CENPP: variants seen among roughly 807,000 people sequenced by gnomAD.
The protein encoded by CENPP is centromere protein P.
In CENPP, 24 loss-of-function variants were observed where a neutral mutation model predicts 35.6. The observed-to-expected ratio is 0.67, with a 90% CI of 0.49 to 0.95. The LOEUF (loss-of-function observed/expected upper bound fraction) is 0.95. CENPP is among the 40% of genes least tolerant of loss of function. CENPP has a pLI of 0.00. For synonymous variants in CENPP, 120 were observed against 125.5 expected, an observed-to-expected ratio of 0.96 and a Z score of 0.29; for missense variants, 332 against 345.3, an observed-to-expected ratio of 0.96 and a Z score of 0.31.
At chr9:92,479,538 C>T (rs1845838165) in intron 5 of CENPP, among the ~76,000 whole-genome samples, 1 of 152,132 alleles carries the variant, frequency 6.6e-6, no homozygotes, top group Non-Finnish European at 1.5e-5. Context: ...CATTCTGGAA[C>T]AGGGAGCATA....
At chr9:92,414,779 A>G (rs2761672) in intron 5 of CENPP, 1 of 229,446 alleles carries the variant, frequency 4.4e-6, no homozygotes, top group Non-Finnish European at 8.6e-6. Flanking sequence ...CAAAAAGGTC[A>G]TGGCCTGTGG....
chr9:92,416,615 A>G (rs1564309564), intron 5 of CENPP: 4 of 1,486,202 alleles, frequency 2.7e-6, no homozygotes, highest in Non-Finnish European at 1.8e-6. Flanking sequence ...AAAAGTCTAC[A>G]TACTTTCTAT....
At chr9:92,582,467 G>GT (rs1236285068) in intron 5 of CENPP, among the ~76,000 whole-genome samples, 1 of 152,080 alleles carries the variant, frequency 6.6e-6, no homozygotes, top group African/African-American at 2.4e-5. Flanking sequence ...GAATGAAGAG[G>GT]TCAGTGATCC....
intron 5 of CENPP, among the ~76,000 whole-genome samples, chr9:92,566,900 A>G (rs2131347925): frequency 6.6e-6 from 1 of 152,360 alleles, no homozygotes; most frequent in Non-Finnish European, 1.5e-5. Flanking sequence ...AGAAGAATTC[A>G]AAGATACACC....
chr9:92,431,691 C>T (rs966475482), intron 5 of CENPP, among the ~76,000 whole-genome samples: 7 of 152,114 alleles, frequency 4.6e-5, no homozygotes. Flanking sequence ...TCTTCTGCCT[C>T]AGCCTCCCGA....
chr9:92,404,648 T>C, intron 5 of CENPP: 1 of 1,270,028 alleles, frequency 7.9e-7, no homozygotes, highest in South Asian at 1.4e-5. Context: ...AAGAACAGTT[T>C]CCATGTGGTA....
At position 92,394,714 on chromosome 9, in the gene CENPP, C is replaced by T. The variant is rs551023106; in HGVS notation, c.564+14855C>T. ...CCGCCTCCCGGGTTCAAGCAATTCT[C>T]CTGCCTCAGCCTCCCAAGTATCCGG... On this transcript the variant is annotated intron_variant, in intron 5 of 7. Transcript: ENST00000375587. 1.7e-3 allele frequency among the ~76,000 whole-genome samples: 259 copies of T among 151,828 alleles called. 1 individual carries two copies. Among genetic ancestry groups the T allele is most frequent in the African/African-American group, 5.9e-3 (244 of 41,400 alleles).
At position 92,617,990 on chromosome 9, in the gene CENPP, T is replaced by C. The variant is rs1285859450; in HGVS notation, c.*4841T>C. 1.5e-5 allele frequency: 5 copies of C among 341,446 alleles called. No individual in the cohort carries two copies. Among genetic ancestry groups the C allele is most frequent in the Non-Finnish European group, 2.9e-5 (5 of 172,284 alleles). The allele number at this position is 341,446 out of a possible 1,614,324, so 21.2% of individuals were successfully genotyped here. ...TGTGAGCTGCAAATTAGTCTAGGGA[T>C]CTAAATTTAGTCTCAGGTCTACCAG... On this transcript the variant is annotated 3_prime_UTR_variant, in exon 8 of 8. Transcript: ENST00000375587.
intron 5 of CENPP, chr9:92,493,789 A>T (rs1846236570): frequency 4.7e-6 from 1 of 211,664 alleles, no homozygotes; most frequent in South Asian, 1.5e-4. Context: ...AAATCAGTAG[A>T]AATAAGTACA....
intron 5 of CENPP, among the ~76,000 whole-genome samples, chr9:92,410,793 T>A (rs1386967741): frequency 2.0e-5 from 3 of 152,184 alleles, no homozygotes; most frequent in African/African-American, 7.2e-5. Context: ...TACCTCCAAC[T>A]CATGTGCACT....
chr9:92,484,779 T>C (rs1846017048), intron 5 of CENPP, among the ~76,000 whole-genome samples: 1 of 152,214 alleles, frequency 6.6e-6, no homozygotes, highest in Non-Finnish European at 1.5e-5. Flanking sequence ...GCATGGCCTT[T>C]CTGGGTGCAG....
chr9:92,521,122 A>G (rs1848041798), intron 5 of CENPP, among the ~76,000 whole-genome samples: 1 of 152,254 alleles, frequency 6.6e-6, no homozygotes, highest in Non-Finnish European at 1.5e-5. Flanking sequence ...GTGTGGTGAT[A>G]CAATCAAAAA....
rs184593903 is a variant in CENPP, at chr9:92,569,707, C to T, written c.565-41607C>T. Among the ~76,000 whole-genome samples, 803 of 152,252 alleles carry T rather than the reference C, an allele frequency of 5.3e-3. 7 individuals are homozygous for T. The highest frequency in any genetic ancestry group is 4.3e-3 in the Non-Finnish European group (291 of 68,022). On this transcript the variant is annotated intron_variant, in intron 5 of 7. Coordinates refer to ENST00000375587, the MANE Select transcript of CENPP (RefSeq NM_001012267.3). ...CTTCATGGTATTGATTCTTCCTATC[C>T]ATGAGCATGGAATGTTCTTCCATTT... is the stretch of plus-strand genomic sequence containing the variant.
intron 5 of CENPP, among the ~76,000 whole-genome samples, chr9:92,518,760 A>T (rs893335991): frequency 1.3e-5 from 2 of 152,144 alleles, no homozygotes; most frequent in Non-Finnish European, 2.9e-5. Context: ...ATGGTGGCAC[A>T]TGCCTGAAGT....
intron 3 of CENPP, chr9:92,339,819 C>A (rs1383629488): frequency 6.5e-6 from 1 of 153,722 alleles, no homozygotes; most frequent in Non-Finnish European, 1.5e-5. Flanking sequence ...TGTGCCACCA[C>A]CCCAGGCTTT....
At chr9:92,363,826 A>G (rs1841821596) in intron 4 of CENPP, among the ~76,000 whole-genome samples, 1 of 151,234 alleles carries the variant, frequency 6.6e-6, no homozygotes, top group East Asian at 1.9e-4. Flanking sequence ...CATTTGCTCA[A>G]TCCTATTGGG....
chr9:92,457,667 A>G (rs1359854609), intron 5 of CENPP, among the ~76,000 whole-genome samples: 1 of 152,178 alleles, frequency 6.6e-6, no homozygotes, highest in African/African-American at 2.4e-5. Flanking sequence ...TAAAAACTCA[A>G]GCTCATGTGT....
intron 5 of CENPP, chr9:92,496,530 C>A: frequency 6.3e-7 from 1 of 1,581,734 alleles, no homozygotes; most frequent in South Asian, 1.2e-5. Context: ...CAGTAATAAT[C>A]TGCCTTTAGG....
chr9:92,448,606 G>A (rs1419448355), intron 5 of CENPP, among the ~76,000 whole-genome samples: 1 of 152,028 alleles, frequency 6.6e-6, no homozygotes, highest in Non-Finnish European at 1.5e-5. Context: ...CATCTCTAGG[G>A]GGGTGTAAGC....
Sources: allele counts gnomAD v4.1 joint callset (sites outside exome capture counted in the v4.1 genomes callset), GRCh38; gene constraint gnomAD v4.1.1; transcripts MANE v1.5; gene names NCBI Gene and HGNC (gene_info 2026-07-23, HGNC 2026-07-21).